Variants in WWOX observed in about 807,000 individuals in gnomAD.
WWOX encodes the protein WW domain containing oxidoreductase.
In WWOX, 69 loss-of-function variants were observed where a neutral mutation model predicts 46.2. The ratio of observed to expected loss-of-function variants is 1.49; its 90% CI spans 1.23 to 1.82. The LOEUF (loss-of-function observed/expected upper bound fraction) is 1.82. Ranked by LOEUF, WWOX falls within the 40% of genes most tolerant of loss-of-function variation. The pLI, the probability that WWOX is intolerant of heterozygous loss-of-function variation, is 0.00. For missense variants in WWOX, 919 were observed against 542.6 expected, an observed-to-expected ratio of 1.69 and a Z score of -6.89; for synonymous variants, 359 against 202.6, an observed-to-expected ratio of 1.77 and a Z score of -6.56.
At chr16:78,592,071 C>G (rs544294878) in intron 8 of WWOX, among the ~76,000 whole-genome samples, 5 of 152,138 alleles carry the variant, frequency 3.3e-5, no homozygotes, top group Admixed American at 6.5e-5. Context: ...GAGGTCAATA[C>G]GTGTGGATAT....
chr16:78,830,567 C>T (rs2051792006), intron 8 of WWOX, among the ~76,000 whole-genome samples: 1 of 152,024 alleles, frequency 6.6e-6, no homozygotes, highest in South Asian at 2.1e-4. Flanking sequence ...TCTTCTTTCA[C>T]CTCTAGGAGA....
At chr16:78,565,842 G>A (rs1431588019) in intron 8 of WWOX, among the ~76,000 whole-genome samples, 1 of 152,102 alleles carries the variant, frequency 6.6e-6, no homozygotes, top group Non-Finnish European at 1.5e-5. Context: ...TTATGAAGCT[G>A]TCCCAGCTCC....
intron 8 of WWOX, among the ~76,000 whole-genome samples, chr16:78,877,806 T>A (rs2044264477): frequency 6.6e-6 from 1 of 152,154 alleles, no homozygotes; most frequent in African/African-American, 2.4e-5. Context: ...CTTGGATGTA[T>A]AATGTCCAAC....
At chr16:78,414,331 A>G (rs573681032) in intron 6 of WWOX, among the ~76,000 whole-genome samples, 1 of 152,236 alleles carries the variant, frequency 6.6e-6, no homozygotes, top group East Asian at 1.9e-4. Flanking sequence ...GGACACGTGT[A>G]ACAGAGGTGG....
At chr16:78,899,539 G>T (rs2044776854) in intron 8 of WWOX, 1 of 152,154 alleles carries the variant, frequency 6.6e-6, no homozygotes, top group African/African-American at 2.4e-5. Flanking sequence ...AGCATCTGTG[G>T]AAACAGTGGG....
chr16:79,135,447 T>C (rs2049964994), intron 8 of WWOX, among the ~76,000 whole-genome samples: 1 of 152,236 alleles, frequency 6.6e-6, no homozygotes, highest in Admixed American at 6.5e-5. Flanking sequence ...AATAAATCTG[T>C]TAAATAATTT....
At chr16:78,893,285 C>T (rs1567631390) in intron 8 of WWOX, among the ~76,000 whole-genome samples, 2 of 152,118 alleles carry the variant, frequency 1.3e-5, no homozygotes, top group Non-Finnish European at 2.9e-5. Context: ...CCTCCCAGTG[C>T]CACAGTAAGC....
At chr16:78,307,209 T>G (rs1031403184) in intron 5 of WWOX, among the ~76,000 whole-genome samples, 2 of 152,202 alleles carry the variant, frequency 1.3e-5, no homozygotes, top group Non-Finnish European at 2.9e-5. Flanking sequence ...TAACTACCTG[T>G]TCACTGCTGC....
At chr16:78,822,021 C>A (rs2051512341) in intron 8 of WWOX, among the ~76,000 whole-genome samples, 1 of 152,144 alleles carries the variant, frequency 6.6e-6, no homozygotes, top group Non-Finnish European at 1.5e-5. Context: ...GGACTATAGG[C>A]ATGCACCACC....
chr16:78,441,564 T>C (rs1370670183), intron 8 of WWOX, among the ~76,000 whole-genome samples: 2 of 152,046 alleles, frequency 1.3e-5, no homozygotes, highest in Non-Finnish European at 2.9e-5. Flanking sequence ...TTGGAGGGAA[T>C]GAATGTAAGG....
chr16:78,945,107 G>A (rs1258839777), intron 8 of WWOX, among the ~76,000 whole-genome samples: 1 of 152,100 alleles, frequency 6.6e-6, no homozygotes, highest in African/African-American at 2.4e-5. Flanking sequence ...TGGAGCCTGG[G>A]ATATCAAGGC....
intron 8 of WWOX, among the ~76,000 whole-genome samples, chr16:79,064,848 C>A (rs541275381): frequency 6.6e-6 from 1 of 152,274 alleles, no homozygotes; most frequent in East Asian, 1.9e-4. Flanking sequence ...GAATGGCATT[C>A]TAATGTTGTG....
At chr16:78,151,126 C>T (rs1335696381) in intron 4 of WWOX, among the ~76,000 whole-genome samples, 5 of 151,576 alleles carry the variant, frequency 3.3e-5, no homozygotes, top group Admixed American at 6.6e-5. Flanking sequence ...ATCCTCTTGC[C>T]TCAGCTTCCC....
chr16:78,940,625 C>G (rs1410749190), intron 8 of WWOX, among the ~76,000 whole-genome samples: 4 of 152,036 alleles, frequency 2.6e-5, no homozygotes, highest in Admixed American at 6.6e-5. Context: ...GTTAAAATAT[C>G]CCTAAACAGG....
At chr16:78,723,414 G>T (rs1452822537) in intron 8 of WWOX, among the ~76,000 whole-genome samples, 3 of 149,038 alleles carry the variant, frequency 2.0e-5, no homozygotes, top group Non-Finnish European at 4.5e-5. Flanking sequence ...TGCCCTGATG[G>T]TGCCAAGCTA....
chr16:78,583,860 G>A (rs1178686169), intron 8 of WWOX, among the ~76,000 whole-genome samples: 1 of 152,162 alleles, frequency 6.6e-6, no homozygotes, highest in African/African-American at 2.4e-5. Context: ...AGCTTTATTC[G>A]AGCAAAGCTG....
chr16:78,527,363 A>C (rs959772809), intron 8 of WWOX, among the ~76,000 whole-genome samples: 1 of 146,304 alleles, frequency 6.8e-6, no homozygotes, highest in African/African-American at 2.5e-5. Context: ...GTATGATCTC[A>C]GCTCACTGCC....
chr16:78,803,869 C>T (rs987162048), intron 8 of WWOX, among the ~76,000 whole-genome samples: 1 of 152,138 alleles, frequency 6.6e-6, no homozygotes, highest in Admixed American at 6.5e-5. Flanking sequence ...AAATTGAGTA[C>T]TGCTTCGTTT....
At chr16:78,164,074 C>T in intron 4 of WWOX, 109 bp from the exon 5 acceptor site, 2 of 1,025,036 alleles carry the variant, frequency 2.0e-6, no homozygotes, top group Non-Finnish European at 3.0e-6. Context: ...AAAATCACCC[C>T]TGGTTGAGAA....
Sources: gnomAD v4.1 joint callset for allele counts (sites outside exome capture counted in the v4.1 genomes callset) on GRCh38, gnomAD v4.1.1 for gene constraint, MANE v1.5 for transcripts, NCBI Gene and HGNC (gene_info 2026-07-23, HGNC 2026-07-21) for gene names.